STPG2: variants seen among roughly 807,000 people sequenced by gnomAD.
STPG2 encodes sperm-tail PG-rich repeat-containing protein 2.
A neutral mutation model predicts 54.2 loss-of-function variants in STPG2; 56 were observed. That is an observed-to-expected ratio of 1.03 (90% CI 0.83 to 1.29). STPG2 has a LOEUF of 1.29. Ranked by LOEUF, STPG2 falls within the 50% of genes most tolerant of loss-of-function variation. The probability of loss-of-function intolerance (pLI) is 0.00; values close to 1 mark genes in which losing one functional copy is unlikely to be tolerated. For synonymous variants in STPG2, 200 were observed against 181.8 expected (o/e 1.10, Z -0.81); for missense variants, 596 against 544.9 (o/e 1.09, Z -0.93).
chr4:97,803,024 A>G (rs979855989), intron 9 of STPG2, among the ~76,000 whole-genome samples: 4 of 152,172 alleles, frequency 2.6e-5, no homozygotes, highest in Non-Finnish European at 5.9e-5. Flanking sequence ...CCCATAAAAT[A>G]TAATGCTCTT....
At chr4:97,888,534 T>C (rs1197894034) in intron 8 of STPG2, among the ~76,000 whole-genome samples, 1 of 152,164 alleles carries the variant, frequency 6.6e-6, no homozygotes. Context: ...TTTCTCCCTT[T>C]TAGAACAAAA....
chr4:98,018,526 C>T (rs1469885890), intron 5 of STPG2, among the ~76,000 whole-genome samples: 2 of 152,266 alleles, frequency 1.3e-5, no homozygotes, highest in Admixed American at 6.5e-5. Flanking sequence ...CCTTTGGGTA[C>T]ATACCCAGTA....
At chr4:97,456,891 C>CAAA (rs57563048) in intron 4 of STPG2, among the ~76,000 whole-genome samples, 3 of 48,918 alleles carry the variant, frequency 6.1e-5, no homozygotes, top group African/African-American at 3.4e-4. Flanking sequence ...TGCTCCGTCT[C>CAAA]AAAAAAAAAA....
At chr4:98,029,868 C>G (rs1736538963) in intron 5 of STPG2, among the ~76,000 whole-genome samples, 1 of 152,158 alleles carries the variant, frequency 6.6e-6, no homozygotes, top group South Asian at 2.1e-4. Flanking sequence ...TTATCAGTAT[C>G]TCAGTAGAAA....
chr4:97,636,748 T>C (rs1721551077), intron 10 of STPG2, among the ~76,000 whole-genome samples: 1 of 152,070 alleles, frequency 6.6e-6, no homozygotes, highest in African/African-American at 2.4e-5. Context: ...CTAGAAGAAA[T>C]GGATAAATTC....
chr4:97,633,846 C>T (rs1027446605), intron 10 of STPG2: 1 of 156,818 alleles, frequency 6.4e-6, no homozygotes, highest in Admixed American at 6.5e-5. Flanking sequence ...GGTCCTACCC[C>T]ACGGAGTCTC....
intron 9 of STPG2, among the ~76,000 whole-genome samples, chr4:97,812,457 A>C (rs570371292): frequency 2.0e-5 from 3 of 152,268 alleles, no homozygotes; most frequent in South Asian, 2.1e-4. Context: ...GGATATCATA[A>C]AGTAATTTTA....
intron 10 of STPG2, among the ~76,000 whole-genome samples, chr4:97,601,838 C>T (rs1322213074): frequency 6.6e-6 from 1 of 151,788 alleles, no homozygotes; most frequent in African/African-American, 2.4e-5. Flanking sequence ...TCAAGTTCCT[C>T]AAGAAATCCT....
chr4:97,539,380 A>C (rs9715661), intron 4 of STPG2, among the ~76,000 whole-genome samples: 70,126 of 151,912 alleles, frequency 0.46, 16,887 homozygotes, highest in South Asian at 0.62. Flanking sequence ...AAAAAAAGGC[A>C]GGGGTTGGAA....
intron 5 of STPG2, among the ~76,000 whole-genome samples, chr4:97,992,202 T>A (rs935945439): frequency 6.6e-6 from 1 of 152,160 alleles, no homozygotes; most frequent in East Asian, 1.9e-4. Flanking sequence ...GTTTTTCCAA[T>A]GTTATCTTCT....
intron 4 of STPG2, among the ~76,000 whole-genome samples, chr4:97,529,165 C>G (rs530124197): frequency 6.6e-6 from 1 of 152,250 alleles, no homozygotes; most frequent in South Asian, 2.1e-4. Context: ...CCATCAATAC[C>G]TAGTTTATTG....
chr4:97,952,105 T>G (rs1485594180), intron 7 of STPG2, among the ~76,000 whole-genome samples: 2 of 152,174 alleles, frequency 1.3e-5, no homozygotes. Context: ...GGAATGTTGA[T>G]GTTCCAAGTA....
chr4:97,584,626 C>G (rs778387739), intron 10 of STPG2, among the ~76,000 whole-genome samples: 3 of 151,670 alleles, frequency 2.0e-5, no homozygotes, highest in Admixed American at 1.3e-4. Flanking sequence ...AATGATAGAC[C>G]ATTAGCAGGA....
intron 10 of STPG2, among the ~76,000 whole-genome samples, chr4:97,621,634 A>G (rs1241036606): frequency 6.6e-6 from 1 of 152,150 alleles, no homozygotes; most frequent in Non-Finnish European, 1.5e-5. Flanking sequence ...AATCAGTAAT[A>G]AAAAGCCTAC....
At chr4:98,099,058 CA>C (rs981326922) in intron 5 of STPG2, among the ~76,000 whole-genome samples, 6 of 145,744 alleles carry the variant, frequency 4.1e-5, no homozygotes, top group Non-Finnish European at 6.1e-5. Context: ...AGAGGTTCCT[CA>C]AAAAAAAAAC....
chr4:98,067,873 C>A (rs528831138), intron 5 of STPG2, among the ~76,000 whole-genome samples: 11 of 152,198 alleles, frequency 7.2e-5, no homozygotes, highest in African/African-American at 2.6e-4. Flanking sequence ...TCTTAAGTCT[C>A]TGTAGTAAGA....
At chr4:97,596,505 T>A (rs2148902449) in intron 10 of STPG2, among the ~76,000 whole-genome samples, 1 of 152,178 alleles carries the variant, frequency 6.6e-6, no homozygotes, top group African/African-American at 2.4e-5. Flanking sequence ...ATGGACCACA[T>A]AATTGGCCAT....
At chr4:97,450,127 A>T (rs898311601) in intron 4 of STPG2, among the ~76,000 whole-genome samples, 4 of 152,186 alleles carry the variant, frequency 2.6e-5, no homozygotes, top group South Asian at 2.1e-4. Context: ...AACTAAAGAG[A>T]ATTATACATA....
At chr4:97,683,701 C>T (rs1723102906) in intron 10 of STPG2, among the ~76,000 whole-genome samples, 1 of 151,648 alleles carries the variant, frequency 6.6e-6, no homozygotes, top group Non-Finnish European at 1.5e-5. Flanking sequence ...CTCGTAAGAT[C>T]AGGAACAAGA....
Sources: gnomAD v4.1 joint callset for allele counts (sites outside exome capture counted in the v4.1 genomes callset) on GRCh38, gnomAD v4.1.1 for gene constraint, MANE v1.5 for transcripts, NCBI Gene and HGNC (gene_info 2026-07-23, HGNC 2026-07-21) for gene names.